The following SENP1 variants were observed in gnomAD, a reference collection of about 807,000 sequenced individuals.
The protein encoded by SENP1 is SUMO specific peptidase 1, also known as sentrin-specific protease 1.
SENP1 carries 21 observed loss-of-function variants against 93.0 expected under a neutral mutation model. That is an observed-to-expected ratio of 0.23 (90% CI 0.16 to 0.33). The LOEUF is 0.33. Ranked by LOEUF, SENP1 falls within the 10% of genes least tolerant of loss-of-function variation. SENP1 has a pLI of 1.00. For missense variants in SENP1, 591 were observed against 758.7 expected (o/e 0.78, Z 2.60); for synonymous variants, 256 against 259.6 (o/e 0.99, Z 0.13).
intron 13 of SENP1, among the ~76,000 whole-genome samples, chr12:48,056,960 T>C (rs1942543449): frequency 9.0e-5 from 4 of 44,266 alleles, no homozygotes; most frequent in African/African-American, 7.1e-4. Context: ...TATAATATAT[T>C]ATTTAATATA....
rs192551805 is a variant in SENP1 at position 48,046,738 on chromosome 12, C to A, written c.1776+240G>T. Among the ~76,000 whole-genome samples, 592 of 152,106 alleles carry A rather than the reference C, an allele frequency of 3.9e-3. 2 individuals are homozygous for A. The highest frequency in any genetic ancestry group is 0.011 in the African/African-American group (466 of 41,476). On this transcript the variant is annotated intron_variant, in intron 16 of 17. Coordinates refer to ENST00000549518, the MANE Select transcript of SENP1 (RefSeq NM_001267594.2). ...GAGGCCAAATAATCAGCAAACATTC[C>A]CCTTAGGAGTGAAAAGCTTAGTAAA...
At position 48,044,374 on chromosome 12, in the gene SENP1, ATG is replaced by A. The variant is rs1941211798; in HGVS notation, c.*946_*947del. On this transcript the variant is annotated 3_prime_UTR_variant, in exon 18 of 18. Transcript: ENST00000549518. ...TATACATACATATATATATATATAT[ATG>A]TATGTGTATATATATATGTATATAT... 1 of 142,436 alleles carries A rather than the reference ATG, an allele frequency of 7.0e-6. No homozygotes were observed. The highest frequency in any genetic ancestry group is 1.5e-5 in the Non-Finnish European group (1 of 65,204). 8.8% of individuals were successfully genotyped at this position (142,436 alleles called of 1,614,324 possible).
chr12:48,055,252 T>A, intron 13 of SENP1: 1 of 167,026 alleles, frequency 6.0e-6, no homozygotes, highest in South Asian at 1.4e-4. Context: ...CGATGTTCCC[T>A]TCATCTTATT....
In SENP1 at chr12:48,096,392, A is replaced by G; in HGVS notation, c.171T>C (p.Ser57=). ...LSSRQGHLDR[S]FTCSTRSAAY... is the part of the protein sequence containing the mutation. ...CTGCACTTCTTGTGGAACATGTAAA[A>G]GATCGGTCCAAATGTCCTTGCCTGG... Residue 57 remains serine (S), a synonymous_variant, in exon 4 of 18, where the codon TCT becomes TCC. Transcript: ENST00000549518. The G allele has an allele frequency of 6.2e-7, 1 of 1,611,102 alleles. No homozygotes were observed.
chr12:48,050,109 T>C (rs1362377227), intron 13 of SENP1, among the ~76,000 whole-genome samples: 1 of 152,192 alleles, frequency 6.6e-6, no homozygotes, highest in Non-Finnish European at 1.5e-5. Flanking sequence ...ATACTTACTT[T>C]ATGTGGCCAG....
intron 2 of SENP1, chr12:48,098,993 T>G (rs1271229183): frequency 1.3e-5 from 2 of 152,088 alleles, no homozygotes; most frequent in Admixed American, 1.3e-4. Flanking sequence ...AGTTCAAAAC[T>G]TGTACACATA....
chr12:48,105,642 C>T (rs551306668), intron 1 of SENP1: 94 of 428,884 alleles, frequency 2.2e-4, no homozygotes, highest in African/African-American at 1.3e-3. Flanking sequence ...CCGAGCTTCC[C>T]GGTGAAAACA....
chr12:48,082,370 G>C (rs1466836967), intron 6 of SENP1, among the ~76,000 whole-genome samples: 1 of 152,178 alleles, frequency 6.6e-6, no homozygotes, highest in Admixed American at 6.6e-5. Flanking sequence ...TTGCTGTGTT[G>C]TATAACAGAA....
intron 5 of SENP1, 91 bp from the exon 6 acceptor site, chr12:48,083,853 C>T: frequency 1.1e-6 from 1 of 891,960 alleles, no homozygotes; most frequent in Admixed American, 2.8e-5. Context: ...AATATAAAAC[C>T]AACCAAACAA....
rs576288292 is a variant in SENP1 at position 48,060,124 on chromosome 12, C to T, written c.1407+3586G>A. ...GCTGGGGATATTATAGCATACATAC[C>T]TTTTATTTCCCTTCCTCAGGGATCA... On this transcript the variant is annotated intron_variant, in intron 13 of 17. Transcript: ENST00000549518. Among the ~76,000 whole-genome samples, 28 of 152,262 alleles carry T rather than the reference C, an allele frequency of 1.8e-4. No homozygotes were observed. In the East Asian group the frequency reaches 5.4e-3, roughly 29 times the overall value.
intron 9 of SENP1, among the ~76,000 whole-genome samples, chr12:48,070,848 T>C (rs1161514548): frequency 6.6e-6 from 1 of 152,188 alleles, no homozygotes; most frequent in Non-Finnish European, 1.5e-5. Flanking sequence ...TCCCAGCACT[T>C]TGGAAGGCCA....
intron 1 of SENP1, among the ~76,000 whole-genome samples, chr12:48,103,652 CTGT>C (rs1205130851): frequency 8.3e-6 from 1 of 121,004 alleles, no homozygotes; most frequent in East Asian, 2.1e-4. Flanking sequence ...ATTCAAGCAA[CTGT>C]AAAAATGTTT....
chr12:48,072,404 C>T lies in SENP1; in HGVS notation c.941-683G>A, dbSNP rs139362890. ...CAATTCAGGTATGCCAAAGAGAAGC[C>T]GTAAAAAGTGCTTCCCCAGCCTGGC... is the stretch of plus-strand genomic sequence containing the variant. On this transcript the variant is annotated intron_variant, in intron 8 of 17. Coordinates refer to ENST00000549518, the MANE Select transcript of SENP1 (RefSeq NM_001267594.2). Among the ~76,000 whole-genome samples, 231 of 152,150 alleles carry T rather than the reference C, an allele frequency of 1.5e-3. 5 individuals carry two copies. In the East Asian group the frequency reaches 0.035, roughly 23 times the overall value.
At position 48,048,002 on chromosome 12, in the gene SENP1, A is replaced by G; in HGVS notation, c.1690T>C (p.Leu564=). The G allele has an allele frequency of 6.3e-7, 1 of 1,595,576 alleles. No homozygotes were observed. The highest frequency in any genetic ancestry group is 8.6e-7 in the Non-Finnish European group (1 of 1,163,458). ...GINNEACRIL[L]QYLKQESIDK... is the part of the protein sequence containing the mutation. Reference sequence around the variant, plus strand: ...TTCTGTCCTCAACTCCCTACTTACAAGAGTATTCTGCAGGCTTCATTGTTT... The same window carrying G: ...TTCTGTCCTCAACTCCCTACTTACAGGAGTATTCTGCAGGCTTCATTGTTT... The change falls in exon 15 of 18, where the codon TTG becomes CTG. Residue 564 remains leucine, a splice_region_variant and synonymous_variant. Coordinates refer to ENST00000549518, the MANE Select transcript of SENP1 (RefSeq NM_001267594.2).
chr12:48,089,359 T>G, intron 4 of SENP1: 1 of 1,300,304 alleles, frequency 7.7e-7, no homozygotes, highest in Non-Finnish European at 1.0e-6. Flanking sequence ...GTAATTCAAA[T>G]GAACAACAGT....
intron 9 of SENP1, among the ~76,000 whole-genome samples, chr12:48,069,207 G>A (rs1245470063): frequency 1.4e-5 from 2 of 147,718 alleles, no homozygotes; most frequent in African/African-American, 5.0e-5. Context: ...CAAAATAAGA[G>A]CTTACCAAGT....
chr12:48,051,748 T>G (rs923297492), intron 13 of SENP1, among the ~76,000 whole-genome samples: 2 of 152,240 alleles, frequency 1.3e-5, no homozygotes, highest in Non-Finnish European at 2.9e-5. Flanking sequence ...GCTTGACTTT[T>G]GTGAAGACAA....
rs1943747210 is a variant in SENP1 at position 48,072,118 on chromosome 12, C to T, written c.941-397G>A. Among the ~76,000 whole-genome samples the T allele has an allele frequency of 2.0e-5, 3 of 152,116 alleles. No individual in the cohort carries two copies. The South Asian group carries it at 6.2e-4, about 32-fold the overall frequency. The stretch of plus-strand genomic sequence containing the variant: ...TCAGTTACGCATAGTTAACTGCGGT[C>T]CAAATATATTAAATGGAAAATTCCA... On this transcript the variant is annotated intron_variant, in intron 8 of 17. Transcript: ENST00000549518.
In SENP1 at chr12:48,049,076, T is replaced by C; in HGVS notation, c.1464A>G (p.Pro488=). 6.2e-7 allele frequency: 1 copy of C among 1,613,620 alleles called. No individual in the cohort carries two copies. Among genetic ancestry groups the C allele is most frequent in the Non-Finnish European group, 8.5e-7 (1 of 1,179,610 alleles). The part of the protein sequence containing the change: ...LMERSKEKGL[P]SVHAFNTFFF... ...AAAAGGTATTAAATGCATGCACACT[T>C]GGCAAGCCCTTCTCTTTACTTCGCT... Residue 488 remains proline, a synonymous_variant, in exon 14 of 18, where the codon CCA becomes CCG. Transcript: ENST00000549518.
Sources: allele counts gnomAD v4.1 joint callset (sites outside exome capture counted in the v4.1 genomes callset), GRCh38; gene constraint gnomAD v4.1.1; transcripts MANE v1.5; gene names NCBI Gene and HGNC (gene_info 2026-07-23, HGNC 2026-07-21).